Variants in NLRP10 observed in about 807,000 individuals in gnomAD.
The protein encoded by NLRP10 is NLR family pyrin domain containing 10.
NLRP10 carries 7 observed loss-of-function variants against 8.2 expected under a neutral mutation model. That is an observed-to-expected ratio of 0.85 (90% CI 0.48 to 1.60). The LOEUF is 1.60. NLRP10 is among the 40% of genes most tolerant of loss of function. The probability of loss-of-function intolerance (pLI) is 0.00; values close to 1 mark genes in which losing one functional copy is unlikely to be tolerated. For synonymous variants in NLRP10, 338 were observed against 314.0 expected (o/e 1.08, Z -0.81); for missense variants, 814 against 776.3 (o/e 1.05, Z -0.58).
Position 7,958,747 on chromosome 11 carries a change from AC to A in NLRP10, c.*896del, listed in dbSNP as rs1941663868. On this transcript the variant is annotated 3_prime_UTR_variant, in exon 3 of 3. Coordinates refer to ENST00000691676, the MANE Select transcript of NLRP10 (RefSeq NM_001391958.1). ...GTATTTTTAGTAAAGACGGGGTTTC[AC>A]CACATTGGCCAGGATGGTCTCGGTC... Among the ~76,000 whole-genome samples the A allele has an allele frequency of 6.6e-6, 1 of 152,094 alleles. No individual in the cohort carries two copies. The highest frequency in any genetic ancestry group is 1.5e-5 in the Non-Finnish European group (1 of 68,004).
chr11:7,962,622 C>T (rs1474793490), intron 2 of NLRP10, among the ~76,000 whole-genome samples: 4 of 152,092 alleles, frequency 2.6e-5, no homozygotes, highest in African/African-American at 9.7e-5. Context: ...GTCCATGAAA[C>T]CCTCCCATTT....
Position 7,960,728 on chromosome 11 carries a change from AG to A in NLRP10, c.883del (p.Leu295TrpfsTer3), listed in dbSNP as rs1268186172. The A allele has an allele frequency of 6.2e-7, 1 of 1,614,022 alleles. No homozygotes were observed. On this transcript the variant is annotated frameshift_variant, in exon 3 of 3. Transcript: ENST00000691676. LOFTEE classifies it low-confidence loss of function (END_TRUNC). ...CAAGGGCTCCAGATTCCTCAAAGCC[AG>A]GGGCCGGGTGGTGATGAGAAGGGAG... The part of the protein sequence containing the change: ...TCSLLITTRP[L>X]ALRNLEPLLK...
rs1013834742 is a variant in NLRP10 at position 7,957,784 on chromosome 11, T to C, written c.*1860A>G. On this transcript the variant is annotated 3_prime_UTR_variant, in exon 3 of 3. Transcript: ENST00000691676. ...TTTGTATTGTACAGCTCTATGCGTT[T>C]TGAAAAATTTATGTCATGACTCCAT... Among the ~76,000 whole-genome samples the C allele has an allele frequency of 6.6e-6, 1 of 152,184 alleles. No homozygotes were observed. The highest frequency in any genetic ancestry group is 6.5e-5 in the Admixed American group (1 of 15,290).
Position 7,959,587 on chromosome 11 carries a change from C to T in NLRP10, c.*57G>A. ...CATTCATTTACAGCTTCTTTGATTT[C>T]TTTCCTCAGAGTGTTGTCATTTTCC... is the stretch of plus-strand genomic sequence containing the variant. On this transcript the variant is annotated 3_prime_UTR_variant, in exon 3 of 3. Transcript: ENST00000691676. 2 of 852,126 alleles carry T rather than the reference C, an allele frequency of 2.3e-6. No individual in the cohort carries two copies. Among genetic ancestry groups the T allele is most frequent in the East Asian group, 2.7e-5 (1 of 37,560 alleles). The allele number at this position is 852,126 out of a possible 1,614,324, so 52.8% of individuals were successfully genotyped here.
In NLRP10 at chr11:7,963,362, G is replaced by A. The variant is rs1177112720; in HGVS notation, c.134C>T (p.Ala45Val). 3.1e-6 allele frequency: 5 copies of A among 1,614,156 alleles called. No homozygotes were observed. Among genetic ancestry groups the A allele is most frequent in the Non-Finnish European group, 4.2e-6 (5 of 1,180,026 alleles). The change falls in exon 2 of 3, where the codon GCC becomes GTC. Residue 45 changes from alanine (A) to valine (V), a missense_variant. Ala to Val is a moderately conservative substitution (Grantham distance 64). Coordinates refer to ENST00000691676, the MANE Select transcript of NLRP10 (RefSeq NM_001391958.1). ...AATCAGGCCCTCCAACTCCCCTCTGGCCAGTGGGGGCTGGCCCTCAGACAG... is the reference window on the plus strand; with the variant it reads ...AATCAGGCCCTCCAACTCCCCTCTGACCAGTGGGGGCTGGCCCTCAGACAG... The part of the protein sequence containing the change: ...MTLSEGQPPL[A>V]RGELEGLIPV...
Position 7,965,273 on chromosome 11 carries a change from T to G in NLRP10, c.-73A>C, listed in dbSNP as rs1220544797. 1 of 152,148 alleles carries G rather than the reference T, an allele frequency of 6.6e-6. No individual in the cohort carries two copies. Among genetic ancestry groups the G allele is most frequent in the Non-Finnish European group, 1.5e-5 (1 of 68,022 alleles). The allele number at this position is 152,148 out of a possible 1,614,324, so 9.4% of individuals were successfully genotyped here. A position where few individuals can be genotyped will look rare whatever the true frequency, so the allele number is the denominator to read the frequency against. On this transcript the variant is annotated 5_prime_UTR_variant, in exon 1 of 3. Coordinates refer to ENST00000691676, the MANE Select transcript of NLRP10 (RefSeq NM_001391958.1). The stretch of plus-strand genomic sequence containing the variant: ...CAGTTCAGACTTGGGGAGCTGGAGG[T>G]GAGGCAGCGAGAACTCAGCTCCCTG...
chr11:7,959,909 T>A lies in NLRP10; in HGVS notation c.1703A>T (p.Tyr568Phe). Residue 568 changes from tyrosine (Y) to phenylalanine (F), a missense_variant, in exon 3 of 3, where the codon TAT becomes TTT. By Grantham distance (22) the Tyr-to-Phe change is conservative. Transcript: ENST00000691676. Reference sequence around the variant, plus strand: ...TACCAGATTCTTTATTTTAGCTTCATACAGGGAGAATTCCAAATCCCAGGT... The same window carrying A: ...TACCAGATTCTTTATTTTAGCTTCAAACAGGGAGAATTCCAAATCCCAGGT... Reference protein sequence around the residue: ...NRTWDLEFSLYEAKIKNLVKG... With the variant: ...NRTWDLEFSLFEAKIKNLVKG... 3 of 1,614,140 alleles carry A rather than the reference T, an allele frequency of 1.9e-6. No individual in the cohort carries two copies. The highest frequency in any genetic ancestry group is 2.5e-6 in the Non-Finnish European group (3 of 1,179,984).
In NLRP10 at chr11:7,960,158, C is replaced by CTTTGGT. The variant is rs764641531; in HGVS notation, c.1448_1453dup (p.Gln484_Ser485insAsnGln). 419 of 1,614,204 alleles carry CTTTGGT rather than the reference C, an allele frequency of 2.6e-4. No individual in the cohort carries two copies. The highest frequency in any genetic ancestry group is 3.5e-4 in the Non-Finnish European group (408 of 1,180,044). On this transcript the variant is annotated inframe_insertion, in exon 3 of 3. Transcript: ENST00000691676. ...TCTGCGGGACTCCTTCCCCAGCCGG[C>CTTTGGT]TTTGGTCCTCTTTCACCAGGTAAGA...
rs773642195 is a variant in NLRP10 at position 7,961,306 on chromosome 11, G to C, written c.306C>G (p.Tyr102Ter). 3.8e-6 allele frequency: 6 copies of C among 1,566,448 alleles called. No homozygotes were observed. In the Admixed American group the frequency reaches 5.7e-5, roughly 15 times the overall value. ...CCTCTAGGCAGCGCACATGCTCTCG[G>C]TATACTTCTCTGTAATCTGAGCCAA... ...HICLHDYREV[Y>*]REHVRCLEEW... is the part of the protein sequence containing the mutation. The change falls in exon 3 of 3, where the codon TAC becomes TAG. Residue 102 changes from tyrosine to a stop codon, truncating the protein, a stop_gained. Transcript: ENST00000691676. LOFTEE classifies it low-confidence loss of function (END_TRUNC).
chr11:7,959,745 C>T lies in NLRP10; in HGVS notation c.1867G>A (p.Gly623Arg). The T allele has an allele frequency of 6.2e-7, 1 of 1,613,652 alleles. No homozygotes were observed. Among genetic ancestry groups the T allele is most frequent in the Non-Finnish European group, 8.5e-7 (1 of 1,179,710 alleles). The change falls in exon 3 of 3, where the codon GGA (glycine) becomes AGA (arginine). Residue 623 changes from glycine (G) to arginine (R), a missense_variant. Coordinates refer to ENST00000691676, the MANE Select transcript of NLRP10 (RefSeq NM_001391958.1). ...KEEQKCPSVH[G>R]QKEGKDNIAG... is the part of the protein sequence containing the mutation. The stretch of plus-strand genomic sequence containing the variant: ...ATATTATCTTTGCCCTCCTTCTGTC[C>T]ATGGACAGAAGGACATTTTTGCTCC...
chr11:7,965,026 G>T (rs1438042887), intron 1 of NLRP10, among the ~76,000 whole-genome samples: 2 of 152,168 alleles, frequency 1.3e-5, no homozygotes, highest in African/African-American at 4.8e-5. Flanking sequence ...AAAATGTTTG[G>T]AACATGTTAG....
intron 2 of NLRP10, among the ~76,000 whole-genome samples, chr11:7,962,963 G>T (rs1309810259): frequency 6.6e-6 from 1 of 152,192 alleles, no homozygotes; most frequent in Non-Finnish European, 1.5e-5. Context: ...ACTGCAGCTG[G>T]AGGTAAGATG....
rs1428896811 is a variant in NLRP10 at position 7,960,880 on chromosome 11, G to T, written c.732C>A (p.Leu244=). The T allele has an allele frequency of 6.2e-7, 1 of 1,614,014 alleles. No homozygotes were observed. Among genetic ancestry groups the T allele is most frequent in the Non-Finnish European group, 8.5e-7 (1 of 1,180,034 alleles). The change falls in exon 3 of 3, where the codon CTC becomes CTA. Residue 244 remains leucine, a synonymous_variant. Transcript: ENST00000691676. ...CATCAAAGCCATCCAGGATGAACAGGAGCCGCTCTGGCTGCCTCAGAATCT... is the reference window on the plus strand; with the variant it reads ...CATCAAAGCCATCCAGGATGAACAGTAGCCGCTCTGGCTGCCTCAGAATCT... The part of the protein sequence containing the change: ...VTEILRQPER[L]LFILDGFDEL...
At chr11:7,964,253 T>G (rs1941782760) in intron 1 of NLRP10, among the ~76,000 whole-genome samples, 1 of 152,202 alleles carries the variant, frequency 6.6e-6, no homozygotes, top group African/African-American at 2.4e-5. Flanking sequence ...AGACTGTCCC[T>G]GGCTGTGTGA....
chr11:7,960,224 C>T lies in NLRP10; in HGVS notation c.1388G>A (p.Ser463Asn). The change falls in exon 3 of 3, where the codon AGC (serine) becomes AAC (asparagine). Residue 463 changes from serine to asparagine, a missense_variant. By Grantham distance (46) the Ser-to-Asn change is conservative (BLOSUM62 1). Coordinates refer to ENST00000691676, the MANE Select transcript of NLRP10 (RefSeq NM_001391958.1). ...QLGLAIKKFY[S>N]FRHISFQDFF... is the part of the protein sequence containing the mutation. ...GTCCTGGAAGCTGATGTGGCGGAAG[C>T]TGTAGAACTTCTTGATGGCAAGTCC... 2 of 1,614,196 alleles carry T rather than the reference C, an allele frequency of 1.2e-6. No homozygotes were observed. Among genetic ancestry groups the T allele is most frequent in the Non-Finnish European group, 1.7e-6 (2 of 1,180,034 alleles).
At chr11:7,964,980 A>G (rs1253948479) in intron 1 of NLRP10, among the ~76,000 whole-genome samples, 2 of 152,232 alleles carry the variant, frequency 1.3e-5, no homozygotes, top group African/African-American at 4.8e-5. Flanking sequence ...TTGCCATTCA[A>G]ATACCAACAT....
chr11:7,962,132 C>T (rs531821374), intron 2 of NLRP10, among the ~76,000 whole-genome samples: 12 of 152,118 alleles, frequency 7.9e-5, no homozygotes, highest in Admixed American at 2.6e-4. Context: ...CTTGTACCAC[C>T]TGCCAAACCA....
chr11:7,964,541 A>C (rs1047060560), intron 1 of NLRP10, among the ~76,000 whole-genome samples: 10 of 152,238 alleles, frequency 6.6e-5, no homozygotes, highest in African/African-American at 2.4e-4. Context: ...CCACATGAGA[A>C]ATTTGGCAGT....
Position 7,960,242 on chromosome 11 carries a change from G to A in NLRP10, c.1370C>T (p.Ala457Val), listed in dbSNP as rs1313490095. ...LSSNDYQLGLAIKKFYSFRHI... is the reference protein window; with the variant it reads ...LSSNDYQLGLVIKKFYSFRHI... ...GCGGAAGCTGTAGAACTTCTTGATG[G>A]CAAGTCCCAATTGGTAGTCGTTACT... The change falls in exon 3 of 3, where the codon GCC (alanine) becomes GTC (valine). Residue 457 changes from alanine to valine, a missense_variant. Physicochemically the swap from Ala to Val is moderately conservative, Grantham distance 64 (BLOSUM62 0). Coordinates refer to ENST00000691676, the MANE Select transcript of NLRP10 (RefSeq NM_001391958.1). 2.0e-5 allele frequency: 33 copies of A among 1,613,934 alleles called. No individual in the cohort carries two copies. The highest frequency in any genetic ancestry group is 2.6e-5 in the Non-Finnish European group (31 of 1,179,954).
Sources: gnomAD v4.1 joint callset for allele counts (sites outside exome capture counted in the v4.1 genomes callset) on GRCh38, gnomAD v4.1.1 for gene constraint, MANE v1.5 for transcripts, NCBI Gene and HGNC (gene_info 2026-07-23, HGNC 2026-07-21) for gene names.